Variants in PLXNA2 observed in about 807,000 individuals in gnomAD.
PLXNA2 encodes the protein plexin-A2.
A neutral mutation model predicts 193.5 loss-of-function variants in PLXNA2; 91 were observed. That is an observed-to-expected ratio of 0.47 (90% CI 0.40 to 0.56). The LOEUF (loss-of-function observed/expected upper bound fraction) is 0.56. PLXNA2 is among the 20% of genes least tolerant of loss of function. PLXNA2 has a pLI of 0.00. For synonymous variants in PLXNA2, 997 were observed against 1,027.3 expected (o/e 0.97, Z 0.56); for missense variants, 1,995 against 2,503.2 (o/e 0.80, Z 4.33).
chr1:208,102,729 C>T (rs540526967), intron 5 of PLXNA2, among the ~76,000 whole-genome samples: 1 of 152,336 alleles, frequency 6.6e-6, no homozygotes, highest in East Asian at 1.9e-4. Context: ...CAGGGTCACA[C>T]AGCAGCTAGC....
intron 29 of PLXNA2, 135 bp from the exon 30 acceptor site, chr1:208,029,177 C>A: frequency 6.8e-7 from 1 of 1,465,210 alleles, no homozygotes; most frequent in African/African-American, 1.4e-5. Context: ...GAAAATGGGT[C>A]CAGCCAGGGT....
intron 2 of PLXNA2, among the ~76,000 whole-genome samples, chr1:208,211,597 G>A (rs1023846434): frequency 8.5e-5 from 13 of 152,170 alleles, no homozygotes; most frequent in African/African-American, 3.1e-4. Flanking sequence ...GGAGGCTGAG[G>A]TGGGAGAATC....
At chr1:208,045,269 C>G in intron 18 of PLXNA2, 59 bp from the exon 19 acceptor site, 1 of 1,551,872 alleles carries the variant, frequency 6.4e-7, no homozygotes, top group Non-Finnish European at 8.9e-7. Context: ...AAGTTAATTG[C>G]CTACTTAAAA....
intron 4 of PLXNA2, among the ~76,000 whole-genome samples, chr1:208,122,842 G>C (rs1487924867): frequency 1.3e-5 from 2 of 152,184 alleles, no homozygotes; most frequent in Non-Finnish European, 2.9e-5. Context: ...GTGGTTGCCA[G>C]GGGAAGGAGA....
At chr1:208,064,765 G>A (rs1348214308) in intron 12 of PLXNA2, among the ~76,000 whole-genome samples, 1 of 152,200 alleles carries the variant, frequency 6.6e-6, no homozygotes, top group Non-Finnish European at 1.5e-5. Context: ...GAGATGGCCA[G>A]GGAGGGGAGG....
At position 208,142,706 on chromosome 1, in the gene PLXNA2, G is replaced by A. The variant is rs112125223; in HGVS notation, c.1372-243C>T. Among the ~76,000 whole-genome samples the A allele has an allele frequency of 6.7e-3, 1,014 of 152,312 alleles. 5 individuals carry two copies. The highest frequency in any genetic ancestry group is 0.02 in the Middle Eastern group (6 of 294). ...TGGATTTATTTGTGTGTGCATATAC[G>A]CCCTTGGGAATGATTTTGAATATCC... On this transcript the variant is annotated intron_variant, in intron 3 of 31. Coordinates refer to ENST00000367033, the MANE Select transcript of PLXNA2 (RefSeq NM_025179.4).
intron 14 of PLXNA2, among the ~76,000 whole-genome samples, chr1:208,052,837 G>A (rs1235196584): frequency 1.3e-5 from 2 of 151,906 alleles, no homozygotes; most frequent in Non-Finnish European, 2.9e-5. Flanking sequence ...GCACAAAATC[G>A]ATAGGGCTGA....
intron 12 of PLXNA2, among the ~76,000 whole-genome samples, chr1:208,064,852 G>A (rs1665738971): frequency 6.6e-6 from 1 of 152,140 alleles, no homozygotes; most frequent in Non-Finnish European, 1.5e-5. Context: ...CCAGGAAGCT[G>A]CAGGGTCCCA....
At chr1:208,232,054 C>T (rs1671708850) in intron 1 of PLXNA2, among the ~76,000 whole-genome samples, 1 of 152,218 alleles carries the variant, frequency 6.6e-6, no homozygotes, top group African/African-American at 2.4e-5. Context: ...GAGGAAAAGG[C>T]CTGGGGCTGG....
At chr1:208,176,738 T>G (rs1490797255) in intron 3 of PLXNA2, among the ~76,000 whole-genome samples, 2 of 152,238 alleles carry the variant, frequency 1.3e-5, no homozygotes, top group Non-Finnish European at 2.9e-5. Flanking sequence ...CACATCTGAT[T>G]ACGTCCCTCA....
intron 26 of PLXNA2, among the ~76,000 whole-genome samples, chr1:208,036,235 G>T (rs911333533): frequency 7.9e-5 from 12 of 152,194 alleles, no homozygotes; most frequent in African/African-American, 2.9e-4. Context: ...CTTGGCAGGG[G>T]CAGGAGTTCA....
chr1:208,043,663 G>A (rs1337359516), intron 20 of PLXNA2, among the ~76,000 whole-genome samples: 2 of 152,184 alleles, frequency 1.3e-5, no homozygotes, highest in African/African-American at 2.4e-5. Context: ...AGCCGAGTTT[G>A]GGAAGGCAAG....
rs546324741 is a variant in PLXNA2 at position 208,038,593 on chromosome 1, T to C, written c.4661-119A>G. 18 of 860,562 alleles carry C rather than the reference T, an allele frequency of 2.1e-5. No individual in the cohort carries two copies. Among genetic ancestry groups the C allele is most frequent in the Non-Finnish European group, 3.4e-5 (18 of 524,510 alleles). The allele number at this position is 860,562 out of a possible 1,614,324, so 53.3% of individuals were successfully genotyped here. A position where few individuals can be genotyped will look rare whatever the true frequency, so the allele number is the denominator to read the frequency against. On this transcript the variant is annotated intron_variant, in intron 25 of 31. Transcript: ENST00000367033. This position sits in a 1 kb window ranked among gnomAD's most constrained non-coding sequence, Gnocchi z 4.1. ...CCCGGCCCCCTCAAGCTGGTACCAA[T>C]AACAGAGGCTAGAGACATCTAGGGC...
chr1:208,188,076 C>T (rs1391006422), intron 3 of PLXNA2, among the ~76,000 whole-genome samples: 1 of 152,140 alleles, frequency 6.6e-6, no homozygotes, highest in African/African-American at 2.4e-5. Flanking sequence ...ACCAGTGACG[C>T]GCACCTGAAT....
chr1:208,158,496 C>T (rs938038378), intron 3 of PLXNA2, among the ~76,000 whole-genome samples: 4 of 152,180 alleles, frequency 2.6e-5, no homozygotes, highest in African/African-American at 4.8e-5. Flanking sequence ...AGACACCAGC[C>T]CCAGAGCATG....
chr1:208,136,978 A>C (rs1259544962), intron 4 of PLXNA2, among the ~76,000 whole-genome samples: 1 of 152,256 alleles, frequency 6.6e-6, no homozygotes, highest in East Asian at 1.9e-4. Flanking sequence ...CCCATTACAC[A>C]GATGATCAAA....
chr1:208,096,682 G>C (rs1433252956), intron 7 of PLXNA2, 48 bp downstream of exon 7: 1 of 1,606,238 alleles, frequency 6.2e-7, no homozygotes, highest in East Asian at 2.2e-5. Context: ...AGCTCCCTCA[G>C]TATAGAGAAG....
intron 3 of PLXNA2, among the ~76,000 whole-genome samples, chr1:208,186,713 ATT>A (rs1213903948): frequency 7.6e-6 from 1 of 130,886 alleles, no homozygotes. Flanking sequence ...ATGTTATTTT[ATT>A]TTTTTTTTTT....
At chr1:208,223,662 A>G (rs940415059) in intron 1 of PLXNA2, among the ~76,000 whole-genome samples, 3 of 152,158 alleles carry the variant, frequency 2.0e-5, no homozygotes, top group Admixed American at 2.0e-4. Flanking sequence ...ACCGTCACCT[A>G]TGCTGTAACT....
Sources: allele counts gnomAD v4.1 joint callset (sites outside exome capture counted in the v4.1 genomes callset), GRCh38; gene constraint gnomAD v4.1.1; non-coding constraint Gnocchi (gnomAD v3.1); transcripts MANE v1.5; gene names NCBI Gene and HGNC (gene_info 2026-07-23, HGNC 2026-07-21).